SLCO1B1: variants seen among roughly 807,000 people sequenced by gnomAD.
SLCO1B1 encodes the protein OATP-2.
In SLCO1B1, 81 loss-of-function variants were observed where a neutral mutation model predicts 70.1. The ratio of observed to expected loss-of-function variants is 1.16; its 90% CI spans 0.97 to 1.39. The LOEUF (loss-of-function observed/expected upper bound fraction) is 1.39. Among genes scored for constraint, SLCO1B1 ranks in the 40% most tolerant of loss-of-function variants. The pLI is 0.00. For missense variants in SLCO1B1, 895 were observed against 799.6 expected, an observed-to-expected ratio of 1.12 and a Z score of -1.44; for synonymous variants, 283 against 271.5, an observed-to-expected ratio of 1.04 and a Z score of -0.42.
rs1340829032 is a variant in SLCO1B1, at chr12:21,239,483, C to T, written c.*294C>T. On this transcript the variant is annotated 3_prime_UTR_variant, in exon 15 of 15. Transcript: ENST00000256958. ...TGTAATAAAAGAAAAAATACTTGTT[C>T]AGGTAATTCTAATTCTTAATAAAAC... is the stretch of plus-strand genomic sequence containing the variant. 6.6e-6 allele frequency among the ~76,000 whole-genome samples: 1 copy of T among 152,100 alleles called. No homozygotes were observed. The highest frequency in any genetic ancestry group is 1.9e-4 in the East Asian group (1 of 5,194).
chr12:21,181,669 G>T (rs1940899385), intron 7 of SLCO1B1, among the ~76,000 whole-genome samples: 1 of 151,852 alleles, frequency 6.6e-6, no homozygotes, highest in African/African-American at 2.4e-5. Context: ...TTTTATTATG[G>T]TAAGAACAAT....
rs752578928 is a variant in SLCO1B1, at chr12:21,172,646, T to G, written c.85-4T>G. The G allele has an allele frequency of 6.2e-7, 1 of 1,613,772 alleles. No homozygotes were observed. Among genetic ancestry groups the G allele is most frequent in the Non-Finnish European group, 8.5e-7 (1 of 1,179,876 alleles). ...TTTCCCCCTTTCCTTCTGATTTTTC[T>G]TAGATGTTCTTGGCAGCTCTGTCAC... On this transcript the variant is annotated splice_polypyrimidine_tract_variant and splice_region_variant and intron_variant, in intron 2 of 14. Transcript: ENST00000256958.
rs1383158583 is a variant in SLCO1B1 at position 21,151,248 on chromosome 12, A to G, written c.84+9590A>G. Among the ~76,000 whole-genome samples, 5 of 152,322 alleles carry G rather than the reference A, an allele frequency of 3.3e-5. No homozygotes were observed. In the South Asian group the frequency reaches 1.0e-3, roughly 32 times the overall value. On this transcript the variant is annotated intron_variant, in intron 2 of 14. Coordinates refer to ENST00000256958, the MANE Select transcript of SLCO1B1 (RefSeq NM_006446.5). Reference sequence around the variant, plus strand: ...TAATCTTATGGGACCATCATTGTATATGCTCTCCAACATTGACTTAAATGT... The same window carrying G: ...TAATCTTATGGGACCATCATTGTATGTGCTCTCCAACATTGACTTAAATGT...
chr12:21,219,949 C>T (rs968245406), intron 12 of SLCO1B1, among the ~76,000 whole-genome samples: 10 of 152,006 alleles, frequency 6.6e-5, no homozygotes, highest in Non-Finnish European at 1.5e-4. Flanking sequence ...TTTAGTAGGA[C>T]CTGGTTTTAC....
intron 2 of SLCO1B1, among the ~76,000 whole-genome samples, chr12:21,150,890 G>T (rs1940462540): frequency 1.3e-5 from 2 of 152,100 alleles, no homozygotes; most frequent in Admixed American, 6.6e-5. Flanking sequence ...TTGATCTACT[G>T]TGTCAATTTC....
chr12:21,234,071 A>G (rs1213447605), intron 14 of SLCO1B1, among the ~76,000 whole-genome samples: 2 of 152,216 alleles, frequency 1.3e-5, no homozygotes, highest in Admixed American at 6.5e-5. Context: ...GAGTTTTGTT[A>G]TTATTCAAAT....
At position 21,202,692 on chromosome 12, in the gene SLCO1B1, T is replaced by C. The variant is rs757739499; in HGVS notation, c.1331+6T>C. On this transcript the variant is annotated splice_donor_region_variant and intron_variant, in intron 10 of 14. Coordinates refer to ENST00000256958, the MANE Select transcript of SLCO1B1 (RefSeq NM_006446.5). Reference sequence around the variant, plus strand: ...CTAACCATGACCTATGATGGGTTTGTATATATCACTATATCAATTGCATAA... The same window carrying C: ...CTAACCATGACCTATGATGGGTTTGCATATATCACTATATCAATTGCATAA... 1 of 1,588,270 alleles carries C rather than the reference T, an allele frequency of 6.3e-7. No individual in the cohort carries two copies. The highest frequency in any genetic ancestry group is 1.1e-5 in the South Asian group (1 of 90,594).
chr12:21,231,190 A>G (rs1487438940), intron 14 of SLCO1B1, among the ~76,000 whole-genome samples: 1 of 151,948 alleles, frequency 6.6e-6, no homozygotes, highest in African/African-American at 2.4e-5. Flanking sequence ...TCCATGGTTT[A>G]TATGTGCTAC....
chr12:21,136,498 A>G (rs1940223784), intron 1 of SLCO1B1, among the ~76,000 whole-genome samples: 1 of 152,110 alleles, frequency 6.6e-6, no homozygotes, highest in Admixed American at 6.5e-5. Context: ...CTTTTCACAT[A>G]GTCCCATATT....
Position 21,154,823 on chromosome 12 carries a change from A to G in SLCO1B1, c.84+13165A>G, listed in dbSNP as rs182452067. Among the ~76,000 whole-genome samples, 345 of 152,160 alleles carry G rather than the reference A, an allele frequency of 2.3e-3. 2 individuals are homozygous for G. Among genetic ancestry groups the G allele is most frequent in the African/African-American group, 7.6e-3 (317 of 41,554 alleles). On this transcript the variant is annotated intron_variant, in intron 2 of 14. Transcript: ENST00000256958. Reference sequence around the variant, plus strand: ...GGTTGCAGTATTTTTGAGGCCTTATATGCTTGAGCATATATCTCTTTATAG... The same window carrying G: ...GGTTGCAGTATTTTTGAGGCCTTATGTGCTTGAGCATATATCTCTTTATAG...
chr12:21,229,015 G>A (rs1028425235), intron 14 of SLCO1B1, among the ~76,000 whole-genome samples: 1 of 150,548 alleles, frequency 6.6e-6, no homozygotes, highest in Non-Finnish European at 1.5e-5. Context: ...AAAAAAAAAA[G>A]AGCAGTGCAT....
chr12:21,183,348 A>G (rs1028432457), intron 7 of SLCO1B1, among the ~76,000 whole-genome samples: 1 of 152,070 alleles, frequency 6.6e-6, no homozygotes, highest in African/African-American at 2.4e-5. Flanking sequence ...GGCACACACC[A>G]CTACACTTGG....
At chr12:21,132,672 T>C (rs1016296257) in intron 1 of SLCO1B1, among the ~76,000 whole-genome samples, 2 of 152,236 alleles carry the variant, frequency 1.3e-5, no homozygotes, top group African/African-American at 4.8e-5. Flanking sequence ...CACCCACTTC[T>C]TGATGGGGTC....
chr12:21,211,920 T>A lies in SLCO1B1; in HGVS notation c.1498-5199T>A, dbSNP rs1239809764. ...ATCGGTGGTGATATCCCCTTTATCG[T>A]TTTTTATTGTGTCTATTAGATTCTT... On this transcript the variant is annotated intron_variant, in intron 11 of 14. Transcript: ENST00000256958. Among the ~76,000 whole-genome samples the A allele has an allele frequency of 3.3e-5, 5 of 150,504 alleles. No homozygotes were observed. The East Asian group carries it at 5.9e-4, about 18-fold the overall frequency.
chr12:21,138,808 C>G (rs749814643), intron 1 of SLCO1B1, among the ~76,000 whole-genome samples: 14 of 152,042 alleles, frequency 9.2e-5, no homozygotes, highest in Non-Finnish European at 1.9e-4. Context: ...AAGAAACATA[C>G]AAGAGGGCAG....
chr12:21,151,600 A>G (rs937480119), intron 2 of SLCO1B1, among the ~76,000 whole-genome samples: 2 of 152,072 alleles, frequency 1.3e-5, no homozygotes, highest in Non-Finnish European at 2.9e-5. Context: ...TTCTCCTCCA[A>G]TGTTTTCCTT....
At chr12:21,194,708 G>A (rs745615568) in intron 7 of SLCO1B1, among the ~76,000 whole-genome samples, 7 of 152,120 alleles carry the variant, frequency 4.6e-5, no homozygotes, top group African/African-American at 7.2e-5. Context: ...TTATAGCAAT[G>A]TCCCACTTCT....
chr12:21,218,464 A>AG (rs1231863804), intron 12 of SLCO1B1, among the ~76,000 whole-genome samples: 3 of 151,672 alleles, frequency 2.0e-5, no homozygotes, highest in South Asian at 4.2e-4. Context: ...GTAGAGATGA[A>AG]AAAAAAAAGC....
intron 2 of SLCO1B1, among the ~76,000 whole-genome samples, chr12:21,167,001 T>G (rs1940694424): frequency 6.6e-6 from 1 of 152,152 alleles, no homozygotes; most frequent in African/African-American, 2.4e-5. Flanking sequence ...TGAAAAGACA[T>G]GAAACATTAA....
Sources: gnomAD v4.1 joint callset for allele counts (sites outside exome capture counted in the v4.1 genomes callset) on GRCh38, gnomAD v4.1.1 for gene constraint, MANE v1.5 for transcripts, NCBI Gene and HGNC (gene_info 2026-07-23, HGNC 2026-07-21) for gene names.